Variants in PHACTR1 observed in about 807,000 individuals in gnomAD.
The protein encoded by PHACTR1 is RPEL repeat containing 1.
In PHACTR1, 16 loss-of-function variants were observed where a neutral mutation model predicts 69.2. The observed-to-expected ratio is 0.23, with a 90% CI of 0.16 to 0.35. The LOEUF is 0.35. Among genes scored for constraint, PHACTR1 ranks in the 10% least tolerant of loss-of-function variants. The probability of loss-of-function intolerance (pLI) is 1.00; values close to 1 mark genes in which losing one functional copy is unlikely to be tolerated. For missense variants in PHACTR1, 510 were observed against 734.7 expected, an observed-to-expected ratio of 0.69 and a Z score of 3.54; for synonymous variants, 312 against 284.5, an observed-to-expected ratio of 1.10 and a Z score of -0.97.
intron 4 of PHACTR1, among the ~76,000 whole-genome samples, chr6:12,938,585 T>C (rs148961449): frequency 5.7e-4 from 87 of 152,286 alleles, no homozygotes; most frequent in Middle Eastern, 3.4e-3. Flanking sequence ...ATAATAAACT[T>C]CACATATTTC....
intron 3 of PHACTR1, 45 bp from the exon 4 acceptor site, chr6:12,749,599 C>G (rs1347581433): frequency 5.4e-6 from 8 of 1,472,044 alleles, no homozygotes; most frequent in Non-Finnish European, 6.5e-6. Context: ...CCCTCCTCCC[C>G]CTTCCGCCTC....
At chr6:12,871,516 G>T (rs1782025432) in intron 4 of PHACTR1, among the ~76,000 whole-genome samples, 1 of 152,034 alleles carries the variant, frequency 6.6e-6, no homozygotes, top group Non-Finnish European at 1.5e-5. Context: ...AGCATTTCCT[G>T]CATTCTAGAT....
At chr6:13,184,713 C>T (rs747600114) in intron 7 of PHACTR1, 78 of 1,093,994 alleles carry the variant, frequency 7.1e-5, no homozygotes, top group Admixed American at 5.7e-4. Context: ...GTTGCCAGCC[C>T]GAGTCCCTGT....
chr6:12,806,543 C>A (rs1774351958), intron 4 of PHACTR1, among the ~76,000 whole-genome samples: 1 of 152,074 alleles, frequency 6.6e-6, no homozygotes. Flanking sequence ...GCCTCAAAAT[C>A]CTGGGATTAA....
chr6:13,272,797 G>A, intron 10 of PHACTR1, 63 bp from the exon 11 acceptor site: 1 of 1,614,048 alleles, frequency 6.2e-7, no homozygotes, highest in Non-Finnish European at 8.5e-7. Context: ...AAGGGCCGAG[G>A]AAATTAATGA....
intron 4 of PHACTR1, among the ~76,000 whole-genome samples, chr6:12,831,406 C>T (rs1777567882): frequency 6.6e-6 from 1 of 151,490 alleles, no homozygotes; most frequent in Admixed American, 6.6e-5. Flanking sequence ...TTACAGTTTG[C>T]ACTTCAGTGA....
chr6:13,033,344 G>T (rs9463377), intron 4 of PHACTR1, among the ~76,000 whole-genome samples: 36,441 of 152,024 alleles, frequency 0.24, 4,634 homozygotes, highest in African/African-American at 0.31. Flanking sequence ...TGTTTGAAGT[G>T]ACTTTTCATT....
intron 8 of PHACTR1, among the ~76,000 whole-genome samples, chr6:13,220,599 G>A (rs1490282169): frequency 6.6e-6 from 1 of 152,126 alleles, no homozygotes; most frequent in Non-Finnish European, 1.5e-5. Flanking sequence ...TGGAATGAAG[G>A]CCACACGGTA....
chr6:12,825,972 A>G (rs1340566540), intron 4 of PHACTR1, among the ~76,000 whole-genome samples: 1 of 152,234 alleles, frequency 6.6e-6, no homozygotes, highest in Non-Finnish European at 1.5e-5. Context: ...TGTTTTTCCT[A>G]GATTACAGTT....
At chr6:12,889,566 A>G (rs186130021) in intron 4 of PHACTR1, among the ~76,000 whole-genome samples, 2 of 152,324 alleles carry the variant, frequency 1.3e-5, no homozygotes, top group Non-Finnish European at 2.9e-5. Flanking sequence ...AGATCTACCA[A>G]TGAGCTAACC....
chr6:13,108,783 G>A (rs11753838), intron 5 of PHACTR1, among the ~76,000 whole-genome samples: 31,511 of 151,774 alleles, frequency 0.21, 3,372 homozygotes, highest in Middle Eastern at 0.24. Context: ...AGCATATAGT[G>A]ATCAGGATTT....
rs146076183 is a variant in PHACTR1 at position 13,177,522 on chromosome 6, A to C, written c.497-4997A>C. Among the ~76,000 whole-genome samples the C allele has an allele frequency of 3.7e-3, 569 of 152,176 alleles. 2 individuals are homozygous for C. Among genetic ancestry groups the C allele is most frequent in the African/African-American group, 0.013 (548 of 41,484 alleles). ...TAAAACTCTTGTTACATAGGTACCCATGAGAGCCTGAAAGAATTCCTGTCA... is the reference window on the plus strand; with the variant it reads ...TAAAACTCTTGTTACATAGGTACCCCTGAGAGCCTGAAAGAATTCCTGTCA... On this transcript the variant is annotated intron_variant, in intron 6 of 14. Coordinates refer to ENST00000332995, the MANE Select transcript of PHACTR1 (RefSeq NM_030948.6).
chr6:13,219,981 G>A (rs1245867802), intron 8 of PHACTR1, among the ~76,000 whole-genome samples: 1 of 152,120 alleles, frequency 6.6e-6, no homozygotes, highest in Non-Finnish European at 1.5e-5. Context: ...TGATCACTGT[G>A]TTCTCAGAAA....
intron 5 of PHACTR1, among the ~76,000 whole-genome samples, chr6:13,147,373 A>G (rs1052200218): frequency 1.3e-5 from 2 of 152,312 alleles, no homozygotes; most frequent in Non-Finnish European, 1.5e-5. Context: ...TTGCAAAGCT[A>G]TCTTCTCTCA....
chr6:12,874,375 T>C (rs1782340594), intron 4 of PHACTR1, among the ~76,000 whole-genome samples: 1 of 152,214 alleles, frequency 6.6e-6, no homozygotes, highest in African/African-American at 2.4e-5. Flanking sequence ...ACAACTTGGC[T>C]TACTAAAGTT....
Position 12,874,184 on chromosome 6 carries a change from C to T in PHACTR1, c.250+124394C>T, listed in dbSNP as rs566190636. On this transcript the variant is annotated intron_variant, in intron 4 of 14. Coordinates refer to ENST00000332995, the MANE Select transcript of PHACTR1 (RefSeq NM_030948.6). The stretch of plus-strand genomic sequence containing the variant: ...AGAGTTCTGAAGTTCTAAGATTCCT[C>T]CTTCCTTCACCTTTTGTGATGATCC... 3.9e-5 allele frequency among the ~76,000 whole-genome samples: 6 copies of T among 152,318 alleles called. No individual in the cohort carries two copies. In the South Asian group the frequency reaches 8.3e-4, roughly 21 times the overall value.
At chr6:12,898,528 G>A (rs1197741872) in intron 4 of PHACTR1, among the ~76,000 whole-genome samples, 2 of 152,128 alleles carry the variant, frequency 1.3e-5, no homozygotes, top group African/African-American at 4.8e-5. Flanking sequence ...TGACCAAATG[G>A]CCAACTCCTG....
At chr6:12,781,457 C>T (rs1053053906) in intron 4 of PHACTR1, among the ~76,000 whole-genome samples, 5 of 152,184 alleles carry the variant, frequency 3.3e-5, no homozygotes, top group African/African-American at 1.2e-4. Flanking sequence ...CCCTCAAATG[C>T]TTGCAAACTA....
At chr6:13,217,191 T>C (rs1220909776) in intron 8 of PHACTR1, among the ~76,000 whole-genome samples, 3 of 152,180 alleles carry the variant, frequency 2.0e-5, no homozygotes, top group Non-Finnish European at 4.4e-5. Flanking sequence ...ACTCTCAGCA[T>C]TGTTGTCCAG....
Sources: gnomAD v4.1 joint callset for allele counts (sites outside exome capture counted in the v4.1 genomes callset) on GRCh38, gnomAD v4.1.1 for gene constraint, MANE v1.5 for transcripts, NCBI Gene and HGNC (gene_info 2026-07-23, HGNC 2026-07-21) for gene names.